The following MAPK8 variants were observed in gnomAD, a reference collection of about 807,000 sequenced individuals.
The protein encoded by MAPK8 is JUN N-terminal kinase.
MAPK8 carries 13 observed loss-of-function variants against 52.9 expected under a neutral mutation model. The ratio of observed to expected loss-of-function variants is 0.25; its 90% CI spans 0.16 to 0.39. The LOEUF (loss-of-function observed/expected upper bound fraction) is 0.39, where lower values mean the gene tolerates loss of function less well. Among genes scored for constraint, MAPK8 ranks in the 10% least tolerant of loss-of-function variants. MAPK8 has a pLI of 1.00. For synonymous variants in MAPK8, 191 were observed against 169.8 expected (o/e 1.12, Z -0.97); for missense variants, 300 against 519.2 (o/e 0.58, Z 4.10).
chr10:48,321,289 G>A (rs1044916684), intron 1 of MAPK8, among the ~76,000 whole-genome samples: 1 of 151,760 alleles, frequency 6.6e-6, no homozygotes, highest in African/African-American at 2.4e-5. Flanking sequence ...GGGTCTCACT[G>A]TGCCGCCTAG....
intron 1 of MAPK8, among the ~76,000 whole-genome samples, chr10:48,319,902 C>T (rs918260094): frequency 1.3e-5 from 2 of 151,408 alleles, no homozygotes; most frequent in Admixed American, 1.3e-4. Flanking sequence ...ATCAGTACTT[C>T]GTTTCTGTTT....
chr10:48,346,150 G>A (rs1204699912), intron 1 of MAPK8, among the ~76,000 whole-genome samples: 1 of 152,046 alleles, frequency 6.6e-6, no homozygotes, highest in African/African-American at 2.4e-5. Flanking sequence ...CAGGCACCGA[G>A]GCAAGAGACA....
At chr10:48,425,850 T>G in intron 7 of MAPK8, 38 bp from the exon 8 acceptor site, 2 of 498,954 alleles carry the variant, frequency 4.0e-6, no homozygotes, top group Non-Finnish European at 3.2e-6. Context: ...GTATTGAACA[T>G]TAGTTATGGA....
At chr10:48,384,627 A>C (rs1293792897) in intron 1 of MAPK8, among the ~76,000 whole-genome samples, 5 of 152,240 alleles carry the variant, frequency 3.3e-5, no homozygotes, top group African/African-American at 1.2e-4. Flanking sequence ...CCTAGGTTAA[A>C]GACCTCTTCT....
At chr10:48,383,721 T>C (rs1381176726) in intron 1 of MAPK8, among the ~76,000 whole-genome samples, 3 of 152,230 alleles carry the variant, frequency 2.0e-5, no homozygotes, top group Non-Finnish European at 2.9e-5. Flanking sequence ...TCTGTATTTT[T>C]ATAATCTCAG....
intron 1 of MAPK8, among the ~76,000 whole-genome samples, chr10:48,373,839 C>A (rs530710914): frequency 4.6e-5 from 7 of 152,020 alleles, no homozygotes; most frequent in African/African-American, 1.7e-4. Context: ...GATAGATCAA[C>A]GAGACAGAAA....
intron 1 of MAPK8, among the ~76,000 whole-genome samples, chr10:48,329,998 G>T (rs961808209): frequency 6.6e-6 from 1 of 152,128 alleles, no homozygotes; most frequent in Admixed American, 6.5e-5. Context: ...AAGATTAAAA[G>T]TACCTATAGC....
At chr10:48,328,162 A>G (rs1045733242) in intron 1 of MAPK8, among the ~76,000 whole-genome samples, 2 of 152,110 alleles carry the variant, frequency 1.3e-5, no homozygotes, top group African/African-American at 2.4e-5. Context: ...GATTACAGGT[A>G]CATGCCGCCA....
In MAPK8 at chr10:48,372,038, C is replaced by G. The variant is rs568055684; in HGVS notation, c.-49-29574C>G. Reference sequence around the variant, plus strand: ...GGGAACCTGCATGTGTTAATGTTATCCAGAAGCCCACAAAACAGTCCTTTA... The same window carrying G: ...GGGAACCTGCATGTGTTAATGTTATGCAGAAGCCCACAAAACAGTCCTTTA... On this transcript the variant is annotated intron_variant, in intron 1 of 11. Transcript: ENST00000374189. Among the ~76,000 whole-genome samples the G allele has an allele frequency of 3.9e-5, 6 of 152,122 alleles. No homozygotes were observed. The East Asian group carries it at 1.2e-3, about 29-fold the overall frequency.
At chr10:48,382,908 A>G (rs4838406) in intron 1 of MAPK8, among the ~76,000 whole-genome samples, 67,078 of 137,172 alleles carry the variant, frequency 0.49, 17,048 homozygotes, top group Middle Eastern at 0.69. Flanking sequence ...AGCTATGTGT[A>G]TATATATATA....
chr10:48,414,247 GTTC>G (rs1198137406), intron 5 of MAPK8, among the ~76,000 whole-genome samples: 6 of 152,052 alleles, frequency 3.9e-5, no homozygotes, highest in African/African-American at 7.2e-5. Flanking sequence ...TTGTGTGTCA[GTTC>G]TTCTTGTCAT....
chr10:48,309,914 T>C (rs1194817586), intron 1 of MAPK8, among the ~76,000 whole-genome samples: 2 of 152,234 alleles, frequency 1.3e-5, no homozygotes, highest in Admixed American at 1.3e-4. Flanking sequence ...TAGCTTTATA[T>C]ATGAATCATT....
intron 3 of MAPK8, among the ~76,000 whole-genome samples, chr10:48,408,484 C>A (rs1290527847): frequency 6.6e-6 from 1 of 152,172 alleles, no homozygotes; most frequent in African/African-American, 2.4e-5. Context: ...TTAAAAATGA[C>A]ATTCTTAAAA....
At chr10:48,395,464 A>G (rs1000797716) in intron 1 of MAPK8, among the ~76,000 whole-genome samples, 6 of 152,064 alleles carry the variant, frequency 3.9e-5, no homozygotes, top group African/African-American at 1.2e-4. Flanking sequence ...ATGCAAAACA[A>G]TGAATCTTAA....
At chr10:48,406,059 A>ACGATT (rs1033586500) in intron 3 of MAPK8, among the ~76,000 whole-genome samples, 1 of 152,152 alleles carries the variant, frequency 6.6e-6, no homozygotes, top group African/African-American at 2.4e-5. Flanking sequence ...AAAAAGAGGG[A>ACGATT]CGATTTCTGT....
In MAPK8 at chr10:48,353,052, G is replaced by A. The variant is rs114418724; in HGVS notation, c.-50+46231G>A. On this transcript the variant is annotated intron_variant, in intron 1 of 11. Coordinates refer to ENST00000374189, the MANE Select transcript of MAPK8 (RefSeq NM_001323329.2). ...TATCAGTCTAACAAGACATGCATAG[G>A]ACTTGTTGGATGAAAACTATTAAAT... Among the ~76,000 whole-genome samples the A allele has an allele frequency of 6.8e-3, 1,040 of 152,232 alleles. 14 individuals carry two copies. The highest frequency in any genetic ancestry group is 0.024 in the African/African-American group (981 of 41,534).
chr10:48,367,438 G>C (rs886314211), intron 1 of MAPK8, among the ~76,000 whole-genome samples: 1 of 151,254 alleles, frequency 6.6e-6, no homozygotes, highest in Non-Finnish European at 1.5e-5. Flanking sequence ...TAAATTTCAA[G>C]TTAATTGTTT....
At chr10:48,396,821 C>T (rs1014234426) in intron 1 of MAPK8, among the ~76,000 whole-genome samples, 4 of 152,234 alleles carry the variant, frequency 2.6e-5, no homozygotes, top group East Asian at 3.9e-4. Context: ...TATAAAAATA[C>T]GGCTGTCTTC....
intron 11 of MAPK8, 114 bp downstream of exon 11, chr10:48,431,384 C>T: frequency 1.4e-6 from 1 of 703,328 alleles, no homozygotes; most frequent in South Asian, 1.9e-5. Context: ...TTATTCCAGG[C>T]TTAATAAGTA....
Sources: allele counts gnomAD v4.1 joint callset (sites outside exome capture counted in the v4.1 genomes callset), GRCh38; gene constraint gnomAD v4.1.1; transcripts MANE v1.5; gene names NCBI Gene and HGNC (gene_info 2026-07-23, HGNC 2026-07-21).